TFAP2B: variants seen among roughly 807,000 people sequenced by gnomAD.
TFAP2B encodes the protein transcription factor AP-2-beta.
TFAP2B carries 9 observed loss-of-function variants against 44.3 expected under a neutral mutation model. The ratio of observed to expected loss-of-function variants is 0.20; its 90% CI spans 0.12 to 0.35. TFAP2B has a LOEUF of 0.35. Ranked by LOEUF, TFAP2B falls within the 10% of genes least tolerant of loss-of-function variation. TFAP2B has a pLI of 1.00. For missense variants in TFAP2B, 509 were observed against 600.0 expected, an observed-to-expected ratio of 0.85 and a Z score of 1.59; for synonymous variants, 270 against 263.8, an observed-to-expected ratio of 1.02 and a Z score of -0.23.
At chr6:50,819,258 C>G (rs1770256982) in intron 1 of TFAP2B, among the ~76,000 whole-genome samples, 1 of 137,726 alleles carries the variant, frequency 7.3e-6, no homozygotes, top group South Asian at 2.7e-4. Flanking sequence ...CTTTTAAGCT[C>G]TGATGGGGAA....
At position 50,845,758 on chromosome 6, in the gene TFAP2B, A is replaced by G. The variant is rs1308830771; in HGVS notation, c.*2366A>G. 1.3e-5 allele frequency: 2 copies of G among 152,714 alleles called. No individual in the cohort carries two copies. Among genetic ancestry groups the G allele is most frequent in the Non-Finnish European group, 2.9e-5 (2 of 68,094 alleles). The allele number at this position is 152,714 out of a possible 1,614,324, so 9.5% of individuals were successfully genotyped here. A position where few individuals can be genotyped will look rare whatever the true frequency, so the allele number is the denominator to read the frequency against. The stretch of plus-strand genomic sequence containing the variant: ...GACGCGATGGACGCGCCTTGCTCTT[A>G]CTGTGCAGGTCCTGAGAGCGTGTGG... On this transcript the variant is annotated 3_prime_UTR_variant, in exon 7 of 7. Transcript: ENST00000393655.
intron 6 of TFAP2B, among the ~76,000 whole-genome samples, chr6:50,841,374 G>A (rs875712): frequency 0.9 from 137,633 of 152,142 alleles, 62,457 homozygotes; most frequent in East Asian, 1. Context: ...AGTAAAATAG[G>A]TATTTGTCAG....
intron 6 of TFAP2B, 132 bp downstream of exon 6, chr6:50,840,429 C>A (rs1475099897): frequency 6.9e-6 from 8 of 1,165,974 alleles, no homozygotes; most frequent in Non-Finnish European, 6.3e-6. Context: ...CAGCCTCTGG[C>A]AAGCAAGGTA....
rs1362936017 is a variant in TFAP2B, at chr6:50,824,000, A to G, written c.540+135A>G. 6.2e-6 allele frequency: 6 copies of G among 970,182 alleles called. No homozygotes were observed. The Middle Eastern group carries it at 8.0e-4, about 129-fold the overall frequency. 60.1% of individuals were successfully genotyped at this position (970,182 alleles called of 1,614,324 possible). A position where few individuals can be genotyped will look rare whatever the true frequency, so the allele number is the denominator to read the frequency against. On this transcript the variant is annotated intron_variant, in intron 2 of 6. Coordinates refer to ENST00000393655, the MANE Select transcript of TFAP2B (RefSeq NM_003221.4). The stretch of plus-strand genomic sequence containing the variant: ...TCCCATGTTTAGAACAGGACTAGAC[A>G]GTCATATAGAACTGTTTATGTGTGT...
At chr6:50,822,163 G>T in intron 1 of TFAP2B, 1 of 1,303,820 alleles carries the variant, frequency 7.7e-7, no homozygotes, top group Non-Finnish European at 1.0e-6. Context: ...CATCCATGGT[G>T]AGTTTGGATT....
In TFAP2B at chr6:50,829,567, G is replaced by A. The variant is rs78258096; in HGVS notation, c.601+888G>A. Among the ~76,000 whole-genome samples, 1,522 of 152,226 alleles carry A rather than the reference G, an allele frequency of 1.0e-2. 18 individuals carry two copies. Among genetic ancestry groups the A allele is most frequent in the African/African-American group, 0.035 (1,445 of 41,536 alleles). On this transcript the variant is annotated intron_variant, in intron 3 of 6. Transcript: ENST00000393655. Reference sequence around the variant, plus strand: ...ATTATCACAGGAACTGGCATTTGACGATACAATTTTAATACTGTAACCCTT... The same window carrying A: ...ATTATCACAGGAACTGGCATTTGACAATACAATTTTAATACTGTAACCCTT...
At position 50,843,282 on chromosome 6, in the gene TFAP2B, C is replaced by G. The variant is rs1251432473; in HGVS notation, c.1273C>G (p.Leu425Val). 1 of 1,614,016 alleles carries G rather than the reference C, an allele frequency of 6.2e-7. No homozygotes were observed. The highest frequency in any genetic ancestry group is 8.5e-7 in the Non-Finnish European group (1 of 1,180,054). ...TALQNYLTEA[L>V]KGMDKMFLNN... ...CCTGCAGAACTATCTCACCGAGGCGCTCAAAGGCATGGACAAGATGTTCTT... is the reference window on the plus strand; with the variant it reads ...CCTGCAGAACTATCTCACCGAGGCGGTCAAAGGCATGGACAAGATGTTCTT... The change falls in exon 7 of 7, where the codon CTC (leucine) becomes GTC (valine). Residue 425 changes from leucine (L) to valine (V), a missense_variant. By Grantham distance (32) the Leu-to-Val change is conservative. This residue lies in a region of TFAP2B where 168 missense variants were observed against 183.2 expected (regional missense o/e 0.92). Transcript: ENST00000393655.
intron 3 of TFAP2B, among the ~76,000 whole-genome samples, chr6:50,835,196 G>A (rs1011835174): frequency 2.6e-5 from 4 of 152,188 alleles, no homozygotes; most frequent in Admixed American, 2.6e-4. Flanking sequence ...TCAATTACTT[G>A]CCGAAAAGAA....
upstream of TFAP2B, chr6:50,818,792 G>A: frequency 9.5e-7 from 1 of 1,050,214 alleles, no homozygotes; most frequent in Non-Finnish European, 1.5e-6. Flanking sequence ...TGCGATGGGA[G>A]AGGAGCGTCG....
chr6:50,830,034 G>C (rs1015734520), intron 3 of TFAP2B, among the ~76,000 whole-genome samples: 1 of 151,948 alleles, frequency 6.6e-6, no homozygotes, highest in Admixed American at 6.6e-5. Context: ...ACCCAGGCTC[G>C]GTGCTTAAAT....
chr6:50,830,226 T>C (rs1770637069), intron 3 of TFAP2B: 1 of 837,552 alleles, frequency 1.2e-6, no homozygotes, highest in Non-Finnish European at 1.4e-6. Context: ...GGGTTCTGTA[T>C]CCTAGCAACA....
chr6:50,837,855 A>T (rs1197065289), intron 4 of TFAP2B, 120 bp from the exon 5 acceptor site: 5 of 844,320 alleles, frequency 5.9e-6, no homozygotes, highest in Non-Finnish European at 1.0e-5. Flanking sequence ...GAAGGGGGAA[A>T]AATGTGCTAA....
intron 3 of TFAP2B, among the ~76,000 whole-genome samples, chr6:50,831,951 T>A (rs986370393): frequency 6.6e-6 from 1 of 152,232 alleles, no homozygotes; most frequent in African/African-American, 2.4e-5. Context: ...TCTCCCACTT[T>A]CTTTCCCGTT....
intron 2 of TFAP2B, among the ~76,000 whole-genome samples, chr6:50,824,340 A>G (rs1467852207): frequency 6.6e-6 from 1 of 152,186 alleles, no homozygotes. Context: ...GGGCCTCTGT[A>G]TGCTCCAGAG....
chr6:50,826,987 T>C (rs1770526749), intron 2 of TFAP2B, among the ~76,000 whole-genome samples: 1 of 152,212 alleles, frequency 6.6e-6, no homozygotes, highest in South Asian at 2.1e-4. Context: ...TGCGTGAATA[T>C]CCTGTACAAA....
At chr6:50,841,084 C>T (rs964431281) in intron 6 of TFAP2B, among the ~76,000 whole-genome samples, 2 of 152,222 alleles carry the variant, frequency 1.3e-5, no homozygotes, top group Non-Finnish European at 2.9e-5. Context: ...TCAAATTTGT[C>T]CAGATGTTTT....
At position 50,846,382 on chromosome 6, in the gene TFAP2B, A is replaced by C. The variant is rs1365678702; in HGVS notation, c.*2990A>C. On this transcript the variant is annotated 3_prime_UTR_variant, in exon 7 of 7. Transcript: ENST00000393655. Reference sequence around the variant, plus strand: ...CAATAAACAGTAGGATTAACGCAATAGTTTGCCTTTTAAGTCAAGGGAGAC... The same window carrying C: ...CAATAAACAGTAGGATTAACGCAATCGTTTGCCTTTTAAGTCAAGGGAGAC... 1 of 152,616 alleles carries C rather than the reference A, an allele frequency of 6.6e-6. No homozygotes were observed. The highest frequency in any genetic ancestry group is 1.5e-5 in the Non-Finnish European group (1 of 68,044). The allele number at this position is 152,616 out of a possible 1,614,324, so 9.5% of individuals were successfully genotyped here.
intron 5 of TFAP2B, among the ~76,000 whole-genome samples, chr6:50,838,741 GGAT>G (rs771720635): frequency 6.0e-4 from 91 of 152,158 alleles, no homozygotes; most frequent in Non-Finnish European, 9.7e-4. Flanking sequence ...TTGGGTTTGG[GGAT>G]GATATTTATG....
At chr6:50,831,300 T>C (rs1247855866) in intron 3 of TFAP2B, among the ~76,000 whole-genome samples, 1 of 152,216 alleles carries the variant, frequency 6.6e-6, no homozygotes, top group African/African-American at 2.4e-5. Context: ...TAAATGGCTC[T>C]TTCATTTGAA....
Sources: allele counts gnomAD v4.1 joint callset (sites outside exome capture counted in the v4.1 genomes callset), GRCh38; gene constraint gnomAD v4.1.1; regional missense constraint gnomAD v4.1.1; transcripts MANE v1.5; gene names NCBI Gene and HGNC (gene_info 2026-07-23, HGNC 2026-07-21).